The following ZRANB1 variants were observed in gnomAD, a reference collection of about 807,000 sequenced individuals.
ZRANB1 encodes the protein zinc finger RANBP2-type containing 1, also known as ubiquitin thioesterase ZRANB1.
In ZRANB1, 16 loss-of-function variants were observed where a neutral mutation model predicts 80.5. That is an observed-to-expected ratio of 0.20 (90% CI 0.13 to 0.30). ZRANB1 has a LOEUF of 0.30. Ranked by LOEUF, ZRANB1 falls within the 10% of genes least tolerant of loss-of-function variation. ZRANB1 has a pLI of 1.00. For missense variants in ZRANB1, 576 were observed against 862.6 expected, an observed-to-expected ratio of 0.67 and a Z score of 4.16; for synonymous variants, 291 against 293.1, an observed-to-expected ratio of 0.99 and a Z score of 0.07.
chr10:124,974,602 C>T (rs1482499991), intron 5 of ZRANB1, among the ~76,000 whole-genome samples: 1 of 152,140 alleles, frequency 6.6e-6, no homozygotes, highest in Non-Finnish European at 1.5e-5. Flanking sequence ...AAGCAAGAAT[C>T]AATGGTTTTT....
chr10:124,949,126 G>T (rs2134251279), intron 1 of ZRANB1, among the ~76,000 whole-genome samples: 1 of 152,146 alleles, frequency 6.6e-6, no homozygotes, highest in East Asian at 1.9e-4. Context: ...CTAAAGTCAG[G>T]TTTATGTTTA....
chr10:124,941,198 T>TA (rs59781656), upstream of ZRANB1, among the ~76,000 whole-genome samples: 12,163 of 148,842 alleles, frequency 0.082, 639 homozygotes, highest in Admixed American at 0.16. Flanking sequence ...TTCAAGCCAT[T>TA]AAAAAAAAAA....
chr10:124,944,489 C>T (rs1021751668), intron 1 of ZRANB1, among the ~76,000 whole-genome samples: 1 of 83,710 alleles, frequency 1.2e-5, no homozygotes, highest in Non-Finnish European at 2.2e-5. Flanking sequence ...ATCATTCCCC[C>T]CCCCCCCCCG....
At chr10:124,967,510 T>C (rs2134283374) in intron 2 of ZRANB1, among the ~76,000 whole-genome samples, 1 of 152,268 alleles carries the variant, frequency 6.6e-6, no homozygotes, top group Admixed American at 6.5e-5. Context: ...AATTTGAAGA[T>C]TATCCCTAGG....
intron 1 of ZRANB1, among the ~76,000 whole-genome samples, chr10:124,954,363 T>G (rs1326535260): frequency 6.6e-6 from 1 of 151,348 alleles, no homozygotes; most frequent in Non-Finnish European, 1.5e-5. Context: ...ATTAATAGTT[T>G]TGAACATTTA....
At chr10:124,922,484 C>G in the ZRANB1 span, among the ~76,000 whole-genome samples, 1 of 146,588 alleles carries the variant, frequency 6.8e-6, no homozygotes, top group Non-Finnish European at 1.5e-5. Flanking sequence ...TGCCACCACA[C>G]CTGGCTAATT....
the ZRANB1 span, among the ~76,000 whole-genome samples, chr10:124,919,945 C>T: frequency 0.015 from 1,512 of 102,314 alleles, 37 homozygotes; most frequent in Admixed American, 0.074. Flanking sequence ...GAGACCTTGT[C>T]TCATCACTGT....
chr10:124,948,514 CTT>C (rs764851140), intron 1 of ZRANB1, among the ~76,000 whole-genome samples: 11 of 144,942 alleles, frequency 7.6e-5, no homozygotes, highest in African/African-American at 2.5e-4. Context: ...CTCTTGCCAC[CTT>C]TTTTTTTTTT....
At chr10:124,917,181 TGCCGCC>T in the ZRANB1 span, 1,420 of 168,536 alleles carry the variant, frequency 8.4e-3, 7 homozygotes, top group African/African-American at 0.019. Flanking sequence ...GAGTCGCCGC[TGCCGCC>T]GCCGCCGCCG....
chr10:124,952,856 C>T (rs1305007287), intron 1 of ZRANB1, among the ~76,000 whole-genome samples: 1 of 152,156 alleles, frequency 6.6e-6, no homozygotes, highest in Non-Finnish European at 1.5e-5. Context: ...GTGATCTGTC[C>T]ACCTTGGCTT....
At chr10:124,951,248 A>T (rs77271877) in intron 1 of ZRANB1, among the ~76,000 whole-genome samples, 12,809 of 152,124 alleles carry the variant, frequency 0.084, 699 homozygotes, top group Admixed American at 0.16. Flanking sequence ...TGATTTTTTT[A>T]AAAAAAGTTT....
At chr10:124,931,112 T>C in the ZRANB1 span, among the ~76,000 whole-genome samples, 1 of 152,132 alleles carries the variant, frequency 6.6e-6, no homozygotes, top group Admixed American at 6.5e-5. Context: ...GATTTTGCTT[T>C]TTCTCTTGGC....
At chr10:124,919,599 TC>T in the ZRANB1 span, among the ~76,000 whole-genome samples, 1 of 145,104 alleles carries the variant, frequency 6.9e-6, no homozygotes, top group Non-Finnish European at 1.5e-5. Flanking sequence ...TTTTTTTTTT[TC>T]CTCCTCCTCC....
At chr10:124,977,574 G>C (rs1436008894) in intron 5 of ZRANB1, among the ~76,000 whole-genome samples, 1 of 151,912 alleles carries the variant, frequency 6.6e-6, no homozygotes, top group East Asian at 1.9e-4. Context: ...AGCCAGGCGT[G>C]GTAGTGTGTG....
At chr10:124,937,597 TAC>T (rs1951499421), upstream of ZRANB1, among the ~76,000 whole-genome samples, 1 of 152,184 alleles carries the variant, frequency 6.6e-6, no homozygotes, top group African/African-American at 2.4e-5. Flanking sequence ...ATAATTCTTG[TAC>T]AGTGTTTAGT....
intron 1 of ZRANB1, among the ~76,000 whole-genome samples, chr10:124,954,867 C>A (rs954779441): frequency 6.6e-6 from 1 of 151,468 alleles, no homozygotes; most frequent in African/African-American, 2.4e-5. Flanking sequence ...CGGTTTCTCA[C>A]GCCTGTAATC....
At chr10:124,954,851 C>T (rs1200969533) in intron 1 of ZRANB1, among the ~76,000 whole-genome samples, 7 of 151,554 alleles carry the variant, frequency 4.6e-5, no homozygotes, top group South Asian at 2.1e-4. Flanking sequence ...TCTAATTGGC[C>T]GGGCACGGTT....
intron 1 of ZRANB1, among the ~76,000 whole-genome samples, chr10:124,946,844 C>T (rs574978923): frequency 3.9e-5 from 6 of 152,306 alleles, no homozygotes; most frequent in Admixed American, 2.0e-4. Flanking sequence ...ATCTTTACGT[C>T]CCTTTTCTGC....
chr10:124,936,859 A>T, the ZRANB1 span, among the ~76,000 whole-genome samples: 2 of 152,118 alleles, frequency 1.3e-5, no homozygotes, highest in Non-Finnish European at 2.9e-5. Context: ...GCATTTGTAA[A>T]TCTCCGCAGA....
Sources: gnomAD v4.1 joint callset for allele counts (sites outside exome capture counted in the v4.1 genomes callset) on GRCh38, gnomAD v4.1.1 for gene constraint, MANE v1.5 for transcripts, NCBI Gene and HGNC (gene_info 2026-07-23, HGNC 2026-07-21) for gene names.